The following DOK5 variants were observed in gnomAD, a reference collection of about 807,000 sequenced individuals.
The protein encoded by DOK5 is docking protein 5, also known as downstream of tyrosine kinase 5.
A neutral mutation model predicts 43.3 loss-of-function variants in DOK5; 27 were observed. The observed-to-expected ratio is 0.62, with a 90% confidence interval of 0.46 to 0.86. The LOEUF (loss-of-function observed/expected upper bound fraction) is 0.86, where lower values mean the gene tolerates loss of function less well. Ranked by LOEUF, DOK5 falls within the 40% of genes least tolerant of loss-of-function variation. The probability of loss-of-function intolerance (pLI) is 0.00; values close to 1 mark genes in which losing one functional copy is unlikely to be tolerated. For missense variants in DOK5, 373 were observed against 392.9 expected (o/e 0.95, Z 0.43); for synonymous variants, 146 against 140.1 (o/e 1.04, Z -0.30).
intron 1 of DOK5, among the ~76,000 whole-genome samples, chr20:54,522,162 T>C (rs1983422234): frequency 6.6e-6 from 1 of 152,186 alleles, no homozygotes; most frequent in Non-Finnish European, 1.5e-5. Context: ...TTGGAAGAAT[T>C]GTCTTGGGCC....
intron 6 of DOK5, among the ~76,000 whole-genome samples, chr20:54,622,222 T>A (rs6023420): frequency 6.6e-6 from 1 of 150,914 alleles, no homozygotes; most frequent in African/African-American, 2.4e-5. Flanking sequence ...AAAAATAAAA[T>A]AAAAAAAAGA....
chr20:54,543,433 C>G (rs1984233259), intron 1 of DOK5, among the ~76,000 whole-genome samples: 2 of 152,014 alleles, frequency 1.3e-5, no homozygotes. Flanking sequence ...CTACAACTTA[C>G]AGAGAAGTAG....
chr20:54,643,917 G>C (rs1251895093), intron 7 of DOK5, among the ~76,000 whole-genome samples: 1 of 152,178 alleles, frequency 6.6e-6, no homozygotes, highest in Non-Finnish European at 1.5e-5. Context: ...TGGGCGAGGG[G>C]CCAGGGACCA....
At position 54,592,041 on chromosome 20, in the gene DOK5, A is replaced by G. The variant is rs892786145; in HGVS notation, c.599+236A>G. Among the ~76,000 whole-genome samples the G allele has an allele frequency of 9.2e-5, 14 of 152,198 alleles. 1 individual carries two copies. Among genetic ancestry groups the G allele is most frequent in the African/African-American group, 3.4e-4 (14 of 41,452 alleles). ...TTAATGTTTCACACACATGGTACAA[A>G]TTTTCATTACACAGTTTGATTCCAT... On this transcript the variant is annotated intron_variant, in intron 5 of 7. Transcript: ENST00000262593.
chr20:54,498,241 T>G (rs1324280343), intron 1 of DOK5, among the ~76,000 whole-genome samples: 1 of 152,240 alleles, frequency 6.6e-6, no homozygotes. Flanking sequence ...TCAGAGACAG[T>G]GTAAATCTTG....
At chr20:54,492,435 C>A (rs1982219418) in intron 1 of DOK5, among the ~76,000 whole-genome samples, 1 of 151,934 alleles carries the variant, frequency 6.6e-6, no homozygotes, top group African/African-American at 2.4e-5. Context: ...GTCACAATTT[C>A]TTTAATGTAG....
At chr20:54,578,045 C>T (rs1985510111) in intron 2 of DOK5, among the ~76,000 whole-genome samples, 1 of 152,094 alleles carries the variant, frequency 6.6e-6, no homozygotes, top group Non-Finnish European at 1.5e-5. Context: ...ATCCCCAAAT[C>T]CTAGGGAGAG....
chr20:54,549,317 A>G (rs1984447834), intron 1 of DOK5, among the ~76,000 whole-genome samples: 1 of 152,198 alleles, frequency 6.6e-6, no homozygotes, highest in Non-Finnish European at 1.5e-5. Flanking sequence ...AACAGTGAGA[A>G]TCACTGAGGT....
chr20:54,637,794 C>G (rs924140328), intron 6 of DOK5, among the ~76,000 whole-genome samples: 1 of 152,218 alleles, frequency 6.6e-6, no homozygotes, highest in African/African-American at 2.4e-5. Context: ...AAGGCTCTAG[C>G]TAGGTGCTGG....
chr20:54,529,830 T>G (rs2047461981), intron 1 of DOK5, among the ~76,000 whole-genome samples: 1 of 152,240 alleles, frequency 6.6e-6, no homozygotes, highest in Admixed American at 6.5e-5. Context: ...ATACATGGTC[T>G]TTTGTGTCTG....
At chr20:54,535,517 C>T (rs79348911) in intron 1 of DOK5, among the ~76,000 whole-genome samples, 4,261 of 149,378 alleles carry the variant, frequency 0.029, 181 homozygotes, top group African/African-American at 0.1. Flanking sequence ...TGCAAAATCC[C>T]TAATTTGGGA....
At chr20:54,628,217 G>T (rs2904386) in intron 6 of DOK5, among the ~76,000 whole-genome samples, 70,098 of 151,496 alleles carry the variant, frequency 0.46, 20,697 homozygotes, top group African/African-American at 0.83. Context: ...ATTGGATCCT[G>T]TTAAGAATTC....
At chr20:54,499,967 C>T (rs1443729733) in intron 1 of DOK5, among the ~76,000 whole-genome samples, 1 of 152,122 alleles carries the variant, frequency 6.6e-6, no homozygotes, top group Non-Finnish European at 1.5e-5. Flanking sequence ...TGTAGCCAAT[C>T]CTTGTAATTT....
chr20:54,613,888 G>A (rs1360870241), intron 6 of DOK5, among the ~76,000 whole-genome samples: 2 of 151,996 alleles, frequency 1.3e-5, no homozygotes, highest in Admixed American at 1.3e-4. Flanking sequence ...CAGCTACTCA[G>A]GAGGCTGAGG....
At chr20:54,636,221 A>C (rs967124356) in intron 6 of DOK5, among the ~76,000 whole-genome samples, 1 of 152,242 alleles carries the variant, frequency 6.6e-6, no homozygotes, top group South Asian at 2.1e-4. Context: ...GGCCAAGCTA[A>C]CTTTAAGAGA....
intron 1 of DOK5, among the ~76,000 whole-genome samples, chr20:54,491,425 T>C (rs1982171916): frequency 6.6e-6 from 1 of 152,222 alleles, no homozygotes; most frequent in Non-Finnish European, 1.5e-5. Flanking sequence ...TGGAATTCTA[T>C]TGTGTGATTC....
At chr20:54,636,886 A>G (rs965141634) in intron 6 of DOK5, among the ~76,000 whole-genome samples, 23 of 152,234 alleles carry the variant, frequency 1.5e-4, no homozygotes, top group African/African-American at 5.1e-4. Context: ...GTCACGAGAC[A>G]ATTAAATTTC....
intron 2 of DOK5, among the ~76,000 whole-genome samples, chr20:54,570,461 A>G (rs6023365): frequency 0.06 from 9,125 of 152,286 alleles, 922 homozygotes; most frequent in African/African-American, 0.21. Flanking sequence ...TGCATATACA[A>G]AGTGAATTGC....
chr20:54,545,969 A>G (rs912223986), intron 1 of DOK5, among the ~76,000 whole-genome samples: 3 of 152,238 alleles, frequency 2.0e-5, no homozygotes, highest in Non-Finnish European at 2.9e-5. Flanking sequence ...AACTTCTTAC[A>G]GATGGATCGA....
Sources: allele counts gnomAD v4.1 joint callset (sites outside exome capture counted in the v4.1 genomes callset), GRCh38; gene constraint gnomAD v4.1.1; transcripts MANE v1.5; gene names NCBI Gene and HGNC (gene_info 2026-07-23, HGNC 2026-07-21).